Variants in L3MBTL4 observed in about 807,000 individuals in gnomAD.
L3MBTL4 encodes lethal(3)malignant brain tumor-like protein 4.
L3MBTL4 carries 70 observed loss-of-function variants against 84.5 expected under a neutral mutation model. The ratio of observed to expected loss-of-function variants is 0.83; its 90% CI spans 0.68 to 1.01. The LOEUF is 1.01. L3MBTL4 is among the 50% of genes least tolerant of loss of function. The pLI, the probability that L3MBTL4 is intolerant of heterozygous loss-of-function variation, is 0.00. For synonymous variants in L3MBTL4, 274 were observed against 259.8 expected (o/e 1.05, Z -0.52); for missense variants, 715 against 754.8 (o/e 0.95, Z 0.62).
chr18:6,338,517 T>C (rs1366317399), intron 1 of L3MBTL4, among the ~76,000 whole-genome samples: 1 of 151,870 alleles, frequency 6.6e-6, no homozygotes, highest in Non-Finnish European at 1.5e-5. Flanking sequence ...CATATAATTA[T>C]AAAGAAAGGA....
chr18:6,334,037 T>A (rs1312925824), intron 1 of L3MBTL4, among the ~76,000 whole-genome samples: 1 of 152,202 alleles, frequency 6.6e-6, no homozygotes, highest in Non-Finnish European at 1.5e-5. Context: ...TTCTGTACAT[T>A]TTGACACATG....
intron 12 of L3MBTL4, among the ~76,000 whole-genome samples, chr18:6,191,111 T>G (rs1466494673): frequency 2.6e-5 from 4 of 152,130 alleles, no homozygotes; most frequent in African/African-American, 9.7e-5. Flanking sequence ...AAAGATGATA[T>G]GATGACATGG....
At chr18:5,989,359 AT>A (rs964287117) in intron 16 of L3MBTL4, among the ~76,000 whole-genome samples, 78 of 152,226 alleles carry the variant, frequency 5.1e-4, no homozygotes, top group African/African-American at 1.8e-3. Context: ...AAATAAAAAA[AT>A]ATTGGCAGAA....
At chr18:6,200,567 C>G (rs1011208227) in intron 12 of L3MBTL4, among the ~76,000 whole-genome samples, 1 of 152,206 alleles carries the variant, frequency 6.6e-6, no homozygotes, top group Non-Finnish European at 1.5e-5. Context: ...CTATCCATTA[C>G]TACTCCACAG....
At position 6,093,388 on chromosome 18, in the gene L3MBTL4, T is replaced by C. The variant is rs372111918; in HGVS notation, c.1340A>G (p.Asn447Ser). ...ACTGTTCACCTTTTCATGTTTTCCATTGAAGTTCAAACTACAGAGGCTTTT... is the reference window on the plus strand; with the variant it reads ...ACTGTTCACCTTTTCATGTTTTCCACTGAAGTTCAAACTACAGAGGCTTTT... Reference protein sequence around the residue: ...KSKSLCSLNFNGKHEKVNSQP... With the variant: ...KSKSLCSLNFSGKHEKVNSQP... Residue 447 changes from asparagine to serine, a missense_variant, in exon 15 of 19, where the codon AAT becomes AGT. Transcript: ENST00000317931. 5.6e-5 allele frequency: 90 copies of C among 1,611,606 alleles called. No individual in the cohort carries two copies. In the African/African-American group the frequency reaches 8.0e-4, roughly 14 times the overall value.
chr18:5,989,291 G>C (rs1010649449), intron 16 of L3MBTL4, among the ~76,000 whole-genome samples: 2 of 152,102 alleles, frequency 1.3e-5, no homozygotes, highest in Admixed American at 6.5e-5. Flanking sequence ...ACCAAACATG[G>C]CCTACAAAAT....
chr18:6,226,661 G>A (rs897476914), intron 10 of L3MBTL4, among the ~76,000 whole-genome samples: 10 of 152,020 alleles, frequency 6.6e-5, no homozygotes, highest in Non-Finnish European at 1.3e-4. Flanking sequence ...CTCACACTGT[G>A]GGAAAAGTGA....
chr18:6,155,901 A>G (rs1046386958), intron 13 of L3MBTL4, among the ~76,000 whole-genome samples: 4 of 152,198 alleles, frequency 2.6e-5, no homozygotes. Context: ...CTCTGTGTTC[A>G]TTCCTAGGAG....
At position 6,322,481 on chromosome 18, in the gene L3MBTL4, GGAAGGAAGGAAGGAAGGAAGGAAA is replaced by G. The variant is rs1309354860; in HGVS notation, c.-90-10449_-90-10426del. ...TGGAAGGAAGGAAGGAAGGAAGGAA[GGAAGGAAGGAAGGAAGGAAGGAAA>G]GAAGGAAAAAAAAAACAAACAAACA... On this transcript the variant is annotated intron_variant, in intron 1 of 18. Coordinates refer to ENST00000317931, the MANE Select transcript of L3MBTL4 (RefSeq NM_001330559.2). 4.1e-3 allele frequency among the ~76,000 whole-genome samples: 589 copies of G among 143,562 alleles called. 8 individuals are homozygous for G. Among genetic ancestry groups the G allele is most frequent in the African/African-American group, 0.015 (555 of 37,254 alleles). The allele number at this position is 143,562 out of a possible 152,430, so 94.2% of individuals were successfully genotyped here.
intron 12 of L3MBTL4, among the ~76,000 whole-genome samples, chr18:6,178,824 G>A (rs186413980): frequency 2.6e-5 from 4 of 152,162 alleles, no homozygotes; most frequent in Non-Finnish European, 5.9e-5. Context: ...ACTTCCAGCC[G>A]TCTGCACCAA....
intron 13 of L3MBTL4, among the ~76,000 whole-genome samples, chr18:6,158,808 A>G (rs2043201810): frequency 6.6e-6 from 1 of 152,176 alleles, no homozygotes; most frequent in Admixed American, 6.5e-5. Context: ...GGGGACCCAG[A>G]AGTTCTTACG....
chr18:6,167,039 CTATA>C (rs1334656831), intron 13 of L3MBTL4, among the ~76,000 whole-genome samples: 1 of 152,182 alleles, frequency 6.6e-6, no homozygotes, highest in Non-Finnish European at 1.5e-5. Flanking sequence ...TCAGAAAATA[CTATA>C]AATACCTCTA....
Position 6,326,965 on chromosome 18 carries a change from A to T in L3MBTL4, c.-90-14909T>A, listed in dbSNP as rs34941052. On this transcript the variant is annotated intron_variant, in intron 1 of 18. Coordinates refer to ENST00000317931, the MANE Select transcript of L3MBTL4 (RefSeq NM_001330559.2). Reference sequence around the variant, plus strand: ...ATGATCTTTCAGTTATGCACAGGGGAAAATAACTGTAAAAGAATACAGGCA... The same window carrying T: ...ATGATCTTTCAGTTATGCACAGGGGTAAATAACTGTAAAAGAATACAGGCA... Among the ~76,000 whole-genome samples the T allele has an allele frequency of 6.1e-3, 924 of 152,294 alleles. 4 individuals carry two copies. The highest frequency in any genetic ancestry group is 9.6e-3 in the Non-Finnish European group (655 of 68,024).
chr18:6,375,934 G>T (rs934677234), intron 1 of L3MBTL4, among the ~76,000 whole-genome samples: 1 of 152,170 alleles, frequency 6.6e-6, no homozygotes, highest in East Asian at 1.9e-4. Context: ...CTAAAAACAT[G>T]AGGTGTCCCA....
At chr18:6,318,347 G>A (rs2051214937) in intron 1 of L3MBTL4, among the ~76,000 whole-genome samples, 1 of 151,632 alleles carries the variant, frequency 6.6e-6, no homozygotes, top group Non-Finnish European at 1.5e-5. Context: ...CCAAATATCT[G>A]TATTTTAGAA....
chr18:6,096,086 T>C (rs2058635198), intron 14 of L3MBTL4, among the ~76,000 whole-genome samples: 1 of 152,088 alleles, frequency 6.6e-6, no homozygotes, highest in South Asian at 2.1e-4. Flanking sequence ...TTTTTTGTAA[T>C]TTCGTGTCAC....
At chr18:5,957,842 G>A (rs543630027) in intron 18 of L3MBTL4, among the ~76,000 whole-genome samples, 5 of 151,424 alleles carry the variant, frequency 3.3e-5, no homozygotes, top group South Asian at 2.1e-4. Flanking sequence ...AGTGGCATGC[G>A]CCTGTAGTCC....
At chr18:6,110,275 G>C (rs186108843) in intron 14 of L3MBTL4, among the ~76,000 whole-genome samples, 1 of 152,170 alleles carries the variant, frequency 6.6e-6, no homozygotes, top group Non-Finnish European at 1.5e-5. Context: ...GTACATTTAT[G>C]AGAGTCAGTT....
At chr18:6,272,386 AGC>A (rs1356698386) in intron 4 of L3MBTL4, among the ~76,000 whole-genome samples, 3 of 149,570 alleles carry the variant, frequency 2.0e-5, no homozygotes, top group Non-Finnish European at 4.5e-5. Flanking sequence ...CGCCTTCAGG[AGC>A]ACGGGGAAAG....
Sources: allele counts gnomAD v4.1 joint callset (sites outside exome capture counted in the v4.1 genomes callset), GRCh38; gene constraint gnomAD v4.1.1; transcripts MANE v1.5; gene names NCBI Gene and HGNC (gene_info 2026-07-23, HGNC 2026-07-21).